Variants in RASGRP3 observed in about 807,000 individuals in gnomAD.
RASGRP3 encodes RAS guanyl releasing protein 3.
Under a neutral mutation model 82.7 loss-of-function variants are expected in RASGRP3, and 54 were observed. The ratio of observed to expected loss-of-function variants is 0.65; its 90% CI spans 0.52 to 0.82. RASGRP3 has a LOEUF of 0.82. Among genes scored for constraint, RASGRP3 ranks in the 40% least tolerant of loss-of-function variants. The pLI is 0.00. For missense variants in RASGRP3, 861 were observed against 828.9 expected (o/e 1.04, Z -0.48); for synonymous variants, 309 against 300.5 (o/e 1.03, Z -0.29).
At chr2:33,467,808 C>A (rs936622997) in intron 2 of RASGRP3, among the ~76,000 whole-genome samples, 21 of 152,182 alleles carry the variant, frequency 1.4e-4, no homozygotes, top group Admixed American at 6.6e-4. Flanking sequence ...CACAAAGGCC[C>A]ATTGGGACCT....
chr2:33,524,645 G>A (rs940660538), intron 9 of RASGRP3, 97 bp downstream of exon 9: 1 of 931,584 alleles, frequency 1.1e-6, no homozygotes, highest in Non-Finnish European at 1.6e-6. Flanking sequence ...GAGTGGGAAA[G>A]TTTTCCTCTT....
In RASGRP3 at chr2:33,543,486, A is replaced by C. The variant is rs1321786801; in HGVS notation, c.1279-26A>C. 3.5e-6 allele frequency: 5 copies of C among 1,432,188 alleles called. No individual in the cohort carries two copies. The South Asian group carries it at 4.8e-5, about 14-fold the overall frequency. The allele number at this position is 1,432,188 out of a possible 1,614,324, so 88.7% of individuals were successfully genotyped here. On this transcript the variant is annotated intron_variant, in intron 12 of 17. Transcript: ENST00000403687. ...TTCAGAGCCTGCCTTATAGTCATTCAATAAATACTTATCTTTCCTTTGCAG... is the reference window on the plus strand; with the variant it reads ...TTCAGAGCCTGCCTTATAGTCATTCCATAAATACTTATCTTTCCTTTGCAG...
intron 2 of RASGRP3, among the ~76,000 whole-genome samples, chr2:33,459,590 C>G (rs1414760274): frequency 6.8e-6 from 1 of 146,396 alleles, no homozygotes; most frequent in Non-Finnish European, 1.5e-5. Context: ...GGAAAACAGT[C>G]TAGTGTGAAC....
At chr2:33,463,765 A>AT (rs551052794) in intron 2 of RASGRP3, among the ~76,000 whole-genome samples, 1,665 of 151,202 alleles carry the variant, frequency 0.011, 30 homozygotes, top group African/African-American at 0.039. Context: ...ACACCTGGCT[A>AT]TTTTTTTTGT....
At chr2:33,553,634 A>T (rs1276109735) in intron 14 of RASGRP3, among the ~76,000 whole-genome samples, 2 of 152,176 alleles carry the variant, frequency 1.3e-5, no homozygotes, top group Admixed American at 6.6e-5. Flanking sequence ...TTTCTGGATC[A>T]TGCCCCTCTC....
chr2:33,517,197 A>G (rs1671551309), intron 4 of RASGRP3, among the ~76,000 whole-genome samples: 1 of 152,248 alleles, frequency 6.6e-6, no homozygotes, highest in African/African-American at 2.4e-5. Flanking sequence ...AAAATCCCAC[A>G]TGGTTAGAAA....
At chr2:33,442,741 G>T (rs1241905568) in intron 1 of RASGRP3, among the ~76,000 whole-genome samples, 1 of 152,192 alleles carries the variant, frequency 6.6e-6, no homozygotes, top group Non-Finnish European at 1.5e-5. Flanking sequence ...GAAATGAATG[G>T]CAGAAAACAA....
intron 11 of RASGRP3, 118 bp downstream of exon 11, chr2:33,534,518 T>C: frequency 1.3e-6 from 1 of 750,150 alleles, no homozygotes; most frequent in Non-Finnish European, 2.2e-6. Context: ...AAAATTGACA[T>C]TATTCTTTCT....
intron 5 of RASGRP3, 34 bp from the exon 6 acceptor site, chr2:33,520,519 C>T: frequency 6.2e-7 from 1 of 1,611,066 alleles, no homozygotes; most frequent in East Asian, 2.2e-5. Flanking sequence ...AACTTGCAAT[C>T]TTCCAGCTGC....
Position 33,549,728 on chromosome 2 carries a change from T to G in RASGRP3, c.1519T>G (p.Phe507Val). The G allele has an allele frequency of 6.2e-7, 1 of 1,614,002 alleles. No individual in the cohort carries two copies. Among genetic ancestry groups the G allele is most frequent in the Non-Finnish European group, 8.5e-7 (1 of 1,179,884 alleles). Residue 507 changes from phenylalanine (F) to valine (V), a missense_variant, in exon 14 of 18, where the codon TTC becomes GTC. Phe to Val is a conservative substitution (Grantham distance 50). Coordinates refer to ENST00000403687, the MANE Select transcript of RASGRP3 (RefSeq NM_001139488.2). ...GGAGATGACCTATCTCAAGCCAACC[T>G]TCTGCGAACACTGTGCGGGATTTGT... ...FQEMTYLKPT[F>V]CEHCAGFLWG...
chr2:33,536,506 A>G (rs942423909), intron 11 of RASGRP3, among the ~76,000 whole-genome samples: 4 of 151,574 alleles, frequency 2.6e-5, no homozygotes, highest in Admixed American at 2.6e-4. Flanking sequence ...TAGCCATTTT[A>G]CCACACTTGC....
upstream of RASGRP3, among the ~76,000 whole-genome samples, chr2:33,474,403 C>T (rs750149375): frequency 8.5e-5 from 13 of 152,190 alleles, no homozygotes; most frequent in South Asian, 2.1e-4. Flanking sequence ...TGCAGTGGTG[C>T]GGTCTTGATC....
chr2:33,539,442 GCT>G (rs1674009278), intron 12 of RASGRP3: 1 of 385,024 alleles, frequency 2.6e-6, no homozygotes, highest in Admixed American at 4.2e-5. Context: ...GCTACTTCCA[GCT>G]CCTCTCTTTC....
chr2:33,552,136 G>T (rs1199319273), intron 14 of RASGRP3, among the ~76,000 whole-genome samples: 1 of 152,208 alleles, frequency 6.6e-6, no homozygotes, highest in Non-Finnish European at 1.5e-5. Context: ...TTTCTTGGAA[G>T]TTCCACACCT....
intron 1 of RASGRP3, among the ~76,000 whole-genome samples, chr2:33,446,527 T>A (rs1485050745): frequency 6.6e-6 from 1 of 151,842 alleles, no homozygotes; most frequent in African/African-American, 2.4e-5. Context: ...GGGTGAGATT[T>A]CTGTGAAGTA....
intron 14 of RASGRP3, among the ~76,000 whole-genome samples, chr2:33,554,017 G>C (rs1464093757): frequency 6.6e-6 from 1 of 152,182 alleles, no homozygotes; most frequent in Non-Finnish European, 1.5e-5. Context: ...GATTACAGGC[G>C]TGAGCCACCG....
At chr2:33,449,955 T>A (rs987790482) in intron 2 of RASGRP3, among the ~76,000 whole-genome samples, 8 of 152,182 alleles carry the variant, frequency 5.3e-5, no homozygotes, top group Non-Finnish European at 1.2e-4. Context: ...CTCACATGAT[T>A]TCTTTGGGCC....
intron 1 of RASGRP3, among the ~76,000 whole-genome samples, chr2:33,499,847 T>C (rs1420107169): frequency 6.6e-6 from 1 of 151,590 alleles, no homozygotes; most frequent in African/African-American, 2.4e-5. Flanking sequence ...CAAAAGAATA[T>C]GATGGCAGAG....
At chr2:33,547,224 A>T (rs1674867303) in intron 13 of RASGRP3, among the ~76,000 whole-genome samples, 1 of 152,012 alleles carries the variant, frequency 6.6e-6, no homozygotes, top group Non-Finnish European at 1.5e-5. Context: ...AAGAACACAA[A>T]GAAGGGAATA....
Sources: gnomAD v4.1 joint callset for allele counts (sites outside exome capture counted in the v4.1 genomes callset) on GRCh38, gnomAD v4.1.1 for gene constraint, MANE v1.5 for transcripts, NCBI Gene and HGNC (gene_info 2026-07-23, HGNC 2026-07-21) for gene names.